Variants in DNAAF10 observed in about 807,000 individuals in gnomAD.
The protein encoded by DNAAF10 is dynein axonemal assembly factor 10.
Under a neutral mutation model 43.7 loss-of-function variants are expected in DNAAF10, and 28 were observed. The observed-to-expected ratio is 0.64, with a 90% confidence interval of 0.48 to 0.88. The LOEUF (loss-of-function observed/expected upper bound fraction) is 0.88, where lower values mean the gene tolerates loss of function less well. Among genes scored for constraint, DNAAF10 ranks in the 40% least tolerant of loss-of-function variants. The probability of loss-of-function intolerance (pLI) is 0.00; values close to 1 mark genes in which losing one functional copy is unlikely to be tolerated. For synonymous variants in DNAAF10, 156 were observed against 157.3 expected (o/e 0.99, Z 0.06); for missense variants, 403 against 439.1 (o/e 0.92, Z 0.73).
At chr2:68,138,202 A>G (rs974329338) in intron 5 of DNAAF10, among the ~76,000 whole-genome samples, 3 of 151,730 alleles carry the variant, frequency 2.0e-5, no homozygotes, top group South Asian at 2.1e-4. Flanking sequence ...AAACAAACAA[A>G]AAACCCATTT....
In DNAAF10 at chr2:68,131,425, G is replaced by C. The variant is rs1439380681; in HGVS notation, c.887C>G (p.Ser296Ter). The C allele has an allele frequency of 2.5e-6, 4 of 1,614,068 alleles. No individual in the cohort carries two copies. Among genetic ancestry groups the C allele is most frequent in the Non-Finnish European group, 3.4e-6 (4 of 1,180,006 alleles). ...TTCTATTCCCTCAGAATCTTTCTTT[G>C]ACCGCTGAATAGGGTATTCACTGAA... is the stretch of plus-strand genomic sequence containing the variant. The part of the protein sequence containing the change: ...LWKYEYPIQR[S>*]KKDSEGIEMG... The change falls in exon 8 of 8, where the codon TCA becomes TGA. Residue 296 changes from serine (S) to a stop codon, truncating the protein, a stop_gained. Coordinates refer to ENST00000295121, the MANE Select transcript of DNAAF10 (RefSeq NM_138458.4). LOFTEE classifies it high-confidence loss of function.
chr2:68,151,770 A>G (rs1673465171), intron 1 of DNAAF10, among the ~76,000 whole-genome samples: 1 of 152,222 alleles, frequency 6.6e-6, no homozygotes, highest in Admixed American at 6.5e-5. Flanking sequence ...TTGACATGCA[A>G]TCATGAAAAT....
chr2:68,134,607 T>C (rs1672992874), intron 7 of DNAAF10, 95 bp downstream of exon 7: 1 of 1,560,006 alleles, frequency 6.4e-7, no homozygotes, highest in Admixed American at 2.4e-5. Flanking sequence ...ATGAACTAAG[T>C]CAAAGCAGGA....
At chr2:68,150,483 A>T (rs1169409249) in intron 1 of DNAAF10, among the ~76,000 whole-genome samples, 1 of 152,214 alleles carries the variant, frequency 6.6e-6, no homozygotes, top group African/African-American at 2.4e-5. Context: ...CTATAATATC[A>T]GCACTTTGGG....
At chr2:68,145,677 G>A (rs1157865966) in intron 2 of DNAAF10, among the ~76,000 whole-genome samples, 2 of 152,104 alleles carry the variant, frequency 1.3e-5, no homozygotes, top group East Asian at 3.9e-4. Context: ...TGCAAGACAG[G>A]CTGAAGTTCG....
chr2:68,131,230 T>C lies in DNAAF10; in HGVS notation c.*8A>G. 7 of 1,613,702 alleles carry C rather than the reference T, an allele frequency of 4.3e-6. No homozygotes were observed. The highest frequency in any genetic ancestry group is 5.9e-6 in the Non-Finnish European group (7 of 1,179,770). On this transcript the variant is annotated 3_prime_UTR_variant, in exon 8 of 8. Coordinates refer to ENST00000295121, the MANE Select transcript of DNAAF10 (RefSeq NM_138458.4). ...ACCGTGCCCAGCCTCAAGTCCAAAG[T>C]CTTGAAGTCAAATTTTATTGAGCTT...
intron 1 of DNAAF10, among the ~76,000 whole-genome samples, chr2:68,150,117 G>T (rs1673417031): frequency 6.6e-6 from 1 of 152,058 alleles, no homozygotes; most frequent in South Asian, 2.1e-4. Context: ...CTAGGCCATG[G>T]AAGAGGTAAA....
chr2:68,147,080 C>CT (rs201510726), intron 2 of DNAAF10, among the ~76,000 whole-genome samples: 3,562 of 152,166 alleles, frequency 0.023, 119 homozygotes, highest in African/African-American at 0.082. Flanking sequence ...TTCTGCAGTG[C>CT]TAAATCTCTT....
intron 2 of DNAAF10, among the ~76,000 whole-genome samples, chr2:68,146,821 T>G (rs184004421): frequency 9.9e-4 from 151 of 152,284 alleles, no homozygotes; most frequent in Non-Finnish European, 1.6e-3. Context: ...ACTCTAGAAC[T>G]TTCTCCATAA....
chr2:68,146,372 CTG>C (rs1673316811), intron 2 of DNAAF10, among the ~76,000 whole-genome samples: 1 of 152,154 alleles, frequency 6.6e-6, no homozygotes, highest in South Asian at 2.1e-4. Flanking sequence ...CTTGAAATGA[CTG>C]TTTTACTATT....
intron 3 of DNAAF10, among the ~76,000 whole-genome samples, chr2:68,142,465 G>C (rs1210175596): frequency 6.6e-6 from 1 of 152,038 alleles, no homozygotes; most frequent in East Asian, 1.9e-4. Flanking sequence ...TGCCATGTTG[G>C]CCAGGCTGGT....
intron 7 of DNAAF10, among the ~76,000 whole-genome samples, chr2:68,132,417 A>T (rs1027426795): frequency 1.3e-4 from 20 of 152,284 alleles, no homozygotes; most frequent in African/African-American, 4.6e-4. Flanking sequence ...AGATGAATAA[A>T]TGGTTTAAAT....
At position 68,157,444 on chromosome 2, in the gene DNAAF10, G is replaced by C; in HGVS notation, c.-1C>G. ...TCTGAGGCTTCTCGAAGGCCGACAT[G>C]GTGCAGCCAATTTCAGCTACGGCAA... On this transcript the variant is annotated 5_prime_UTR_variant, in exon 1 of 8. Coordinates refer to ENST00000295121, the MANE Select transcript of DNAAF10 (RefSeq NM_138458.4). 1 of 1,614,154 alleles carries C rather than the reference G, an allele frequency of 6.2e-7. No individual in the cohort carries two copies. The highest frequency in any genetic ancestry group is 8.5e-7 in the Non-Finnish European group (1 of 1,180,032).
rs775617330 is a variant in DNAAF10, at chr2:68,157,490, A to C, written c.-47T>G. On this transcript the variant is annotated 5_prime_UTR_variant, in exon 1 of 8. Transcript: ENST00000295121. ...GGCAACCGCCACACCCAGAGCCCCCAAAAACGGCAACCTGGAAACCAGACT... is the reference window on the plus strand; with the variant it reads ...GGCAACCGCCACACCCAGAGCCCCCCAAAACGGCAACCTGGAAACCAGACT... 1.9e-6 allele frequency: 3 copies of C among 1,613,414 alleles called. No homozygotes were observed. The highest frequency in any genetic ancestry group is 1.1e-5 in the South Asian group (1 of 91,066).
chr2:68,147,420 A>ATAAATTGCCTATC (rs1395507361), intron 2 of DNAAF10, 47 bp downstream of exon 2: 8 of 1,382,696 alleles, frequency 5.8e-6, no homozygotes, highest in Non-Finnish European at 8.1e-6. Flanking sequence ...AAACTATCAA[A>ATAAATTGCCTATC]TAAATTGCCT....
chr2:68,138,175 A>AAAACAAAC (rs150999876), intron 5 of DNAAF10, among the ~76,000 whole-genome samples: 4 of 151,840 alleles, frequency 2.6e-5, no homozygotes, highest in African/African-American at 9.7e-5. Flanking sequence ...ACTCCATCTC[A>AAAACAAAC]AAACAAACAA....
intron 1 of DNAAF10, among the ~76,000 whole-genome samples, chr2:68,156,101 C>CA (rs10606309): frequency 0.023 from 1,330 of 58,072 alleles, 24 homozygotes; most frequent in East Asian, 0.029. Flanking sequence ...GACCCTGTCT[C>CA]AAAAAAAAAA....
chr2:68,142,318 G>A (rs1044453987), intron 3 of DNAAF10, among the ~76,000 whole-genome samples: 8 of 151,980 alleles, frequency 5.3e-5, no homozygotes, highest in Non-Finnish European at 8.8e-5. Context: ...ATGCAATGGC[G>A]TGATCTTGGC....
chr2:68,147,642 T>A lies in DNAAF10; in HGVS notation c.184-75A>T, dbSNP rs1673351930. The stretch of plus-strand genomic sequence containing the variant: ...TTATAATCTATTAATATCATATTTA[T>A]GGCTCTATTATGGCATTTAAATAAG... On this transcript the variant is annotated intron_variant, in intron 1 of 7. Coordinates refer to ENST00000295121, the MANE Select transcript of DNAAF10 (RefSeq NM_138458.4). The A allele has an allele frequency of 4.6e-6, 5 of 1,075,622 alleles. No individual in the cohort carries two copies. The South Asian group carries it at 8.5e-5, about 18-fold the overall frequency. The allele number at this position is 1,075,622 out of a possible 1,614,324, so 66.6% of individuals were successfully genotyped here. A position where few individuals can be genotyped will look rare whatever the true frequency, so the allele number is the denominator to read the frequency against.
Sources: allele counts gnomAD v4.1 joint callset (sites outside exome capture counted in the v4.1 genomes callset), GRCh38; gene constraint gnomAD v4.1.1; transcripts MANE v1.5; gene names NCBI Gene and HGNC (gene_info 2026-07-23, HGNC 2026-07-21).